ARMC10: variants seen among roughly 807,000 people sequenced by gnomAD.
ARMC10 encodes armadillo repeat containing 10.
Under a neutral mutation model 30.2 loss-of-function variants are expected in ARMC10, and 23 were observed. That is an observed-to-expected ratio of 0.76 (90% CI 0.55 to 1.08). The LOEUF (loss-of-function observed/expected upper bound fraction) is 1.08. Ranked by LOEUF, ARMC10 falls within the 50% of genes least tolerant of loss-of-function variation. The pLI is 0.00. For synonymous variants in ARMC10, 111 were observed against 164.4 expected (o/e 0.68, Z 2.48); for missense variants, 303 against 413.7 (o/e 0.73, Z 2.32).
At chr7:103,077,548 C>T (rs1334100524) in intron 2 of ARMC10, among the ~76,000 whole-genome samples, 1 of 152,088 alleles carries the variant, frequency 6.6e-6, no homozygotes, top group Non-Finnish European at 1.5e-5. Flanking sequence ...AGCCACCAGT[C>T]CTGCTCATTA....
At chr7:103,085,430 A>G (rs1286021311) in intron 3 of ARMC10, among the ~76,000 whole-genome samples, 4 of 152,172 alleles carry the variant, frequency 2.6e-5, no homozygotes, top group Non-Finnish European at 5.9e-5. Context: ...TTTTCCTGCT[A>G]GAATAGCATG....
chr7:103,080,762 A>C (rs1800311748), intron 2 of ARMC10, among the ~76,000 whole-genome samples: 1 of 149,858 alleles, frequency 6.7e-6, no homozygotes, highest in South Asian at 2.1e-4. Context: ...GGAGTAGCTG[A>C]GATTACAGGC....
intron 2 of ARMC10, among the ~76,000 whole-genome samples, chr7:103,080,005 C>G (rs577370860): frequency 6.6e-6 from 1 of 152,192 alleles, no homozygotes; most frequent in South Asian, 2.1e-4. Context: ...ACTTTTCATT[C>G]CCTTTGAGAA....
intron 3 of ARMC10, 30 bp downstream of exon 3, chr7:103,083,860 T>C: frequency 6.2e-7 from 1 of 1,608,440 alleles, no homozygotes. Context: ...AAGCAAGCTC[T>C]TTCCATTCTT....
At position 103,075,191 on chromosome 7, in the gene ARMC10, C is replaced by A. The variant is rs1037115269; in HGVS notation, c.-82C>A. On this transcript the variant is annotated 5_prime_UTR_variant, in exon 1 of 7. Coordinates refer to ENST00000323716, the MANE Select transcript of ARMC10 (RefSeq NM_031905.5). ...GTGGCGTTTGCTGTGGCGGCTAGGCCCGCGTGCGCTGGAGACCTCCGCGCT... is the reference window on the plus strand; with the variant it reads ...GTGGCGTTTGCTGTGGCGGCTAGGCACGCGTGCGCTGGAGACCTCCGCGCT... 19 of 1,024,616 alleles carry A rather than the reference C, an allele frequency of 1.9e-5. No homozygotes were observed. In the African/African-American group the frequency reaches 3.2e-4, roughly 17 times the overall value. 63.5% of individuals were successfully genotyped at this position (1,024,616 alleles called of 1,614,324 possible).
chr7:103,078,078 C>T (rs964574379), intron 2 of ARMC10, among the ~76,000 whole-genome samples: 53 of 151,958 alleles, frequency 3.5e-4, no homozygotes, highest in African/African-American at 1.3e-3. Context: ...TCACTGCAAC[C>T]GCCACCTCAT....
chr7:103,086,679 A>C lies in ARMC10; in HGVS notation c.443A>C (p.Asn148Thr), dbSNP rs1274709903. The change falls in exon 4 of 7, where the codon AAC becomes ACC. Residue 148 changes from asparagine (N) to threonine (T), a missense_variant. Asn to Thr is a moderately conservative substitution (Grantham distance 65). Around this residue, in one of 4 missense-constraint regions of ARMC10, gnomAD observed 170 missense variants for 207.2 expected, o/e 0.82. Transcript: ENST00000323716. ...ATTCCAATTGTTGCAAACAAAATCA[A>C]CCATTCCAACCAGAGTATTAAAGAG... ...GGIPIVANKI[N>T]HSNQSIKEKA... 6.9e-6 allele frequency: 11 copies of C among 1,594,264 alleles called. No individual in the cohort carries two copies. Among genetic ancestry groups the C allele is most frequent in the Non-Finnish European group, 9.4e-6 (11 of 1,175,544 alleles).
At position 103,083,879 on chromosome 7, in the gene ARMC10, G is replaced by C. The variant is rs10248567; in HGVS notation, c.393+49G>C. 3.4e-3 allele frequency: 5,411 copies of C among 1,593,046 alleles called. 169 individuals carry two copies. The African/African-American group carries it at 0.06, about 18-fold the overall frequency. On this transcript the variant is annotated intron_variant, in intron 3 of 6. Coordinates refer to ENST00000323716, the MANE Select transcript of ARMC10 (RefSeq NM_031905.5). ...AAGCTCTTTCCATTCTTACACACTA[G>C]CGGTAATTGTGACCCTGAATAAATT...
At chr7:103,096,314 AAT>A (rs1801755642) in intron 5 of ARMC10, 1 of 152,198 alleles carries the variant, frequency 6.6e-6, no homozygotes, top group Non-Finnish European at 1.5e-5. Context: ...CAGCTTCAGC[AAT>A]ATAGTGAGAC....
chr7:103,084,350 AAT>A (rs1377409280), intron 3 of ARMC10, among the ~76,000 whole-genome samples: 1 of 152,228 alleles, frequency 6.6e-6, no homozygotes, highest in Admixed American at 6.5e-5. Context: ...AGCATGAAAA[AAT>A]AGTTAAAACA....
chr7:103,094,946 A>C (rs536814680), intron 5 of ARMC10, among the ~76,000 whole-genome samples: 2 of 96,224 alleles, frequency 2.1e-5, no homozygotes, highest in East Asian at 7.3e-4. Flanking sequence ...ATGACCAAGT[A>C]GTAATTTTCT....
chr7:103,079,222 A>C (rs552657716), intron 2 of ARMC10, among the ~76,000 whole-genome samples: 1 of 152,310 alleles, frequency 6.6e-6, no homozygotes, highest in South Asian at 2.1e-4. Flanking sequence ...TAATATACCA[A>C]GGCCAAATGG....
chr7:103,087,651 T>C, intron 4 of ARMC10: 1 of 323,132 alleles, frequency 3.1e-6, no homozygotes, highest in Non-Finnish European at 4.4e-6. Flanking sequence ...GACAGGAGGA[T>C]GTGCTCCTAT....
At position 103,092,626 on chromosome 7, in the gene ARMC10, GTTAC is replaced by G. The variant is rs1403913116; in HGVS notation, c.684_687del (p.Thr229GlufsTer10). 2.5e-6 allele frequency: 4 copies of G among 1,578,118 alleles called. No individual in the cohort carries two copies. The highest frequency in any genetic ancestry group is 4.5e-5 in the East Asian group (2 of 44,118). On this transcript the variant is annotated frameshift_variant, in exon 5 of 7. Transcript: ENST00000323716. LOFTEE classifies it high-confidence loss of function. Reference sequence around the variant, plus strand: ...GTTACATTACAGACCTGTTCCAGGTGTTACTTACTGGAAATGGAAACACGAAGGT... The same window carrying G: ...GTTACATTACAGACCTGTTCCAGGTGTTACTGGAAATGGAAACACGAAGGT...
chr7:103,084,364 A>C (rs925397284), intron 3 of ARMC10, among the ~76,000 whole-genome samples: 1 of 152,200 alleles, frequency 6.6e-6, no homozygotes, highest in South Asian at 2.1e-4. Flanking sequence ...GTTAAAACAA[A>C]ATTTCGTAAT....
intron 5 of ARMC10, among the ~76,000 whole-genome samples, chr7:103,094,584 C>T (rs1472788993): frequency 1.3e-5 from 2 of 152,182 alleles, no homozygotes; most frequent in African/African-American, 2.4e-5. Context: ...TTCGTAAGTT[C>T]AGGACCATCC....
intron 6 of ARMC10, among the ~76,000 whole-genome samples, chr7:103,097,977 T>C (rs944684510): frequency 6.6e-6 from 1 of 152,180 alleles, no homozygotes. Flanking sequence ...GAAAACCGTA[T>C]GATGATCTTA....
intron 4 of ARMC10, among the ~76,000 whole-genome samples, chr7:103,091,201 G>T (rs562621788): frequency 2.0e-5 from 3 of 152,242 alleles, no homozygotes; most frequent in African/African-American, 7.2e-5. Flanking sequence ...GGCTGAGGCA[G>T]GCAGATCACT....
rs949483292 is a variant in ARMC10 at position 103,099,135 on chromosome 7, A to G, written c.*582A>G. ...ATATAAAATAGTGTGATCAATCACA[A>G]TGTCCATCTTTAGACAGTTGGTTAA... On this transcript the variant is annotated 3_prime_UTR_variant, in exon 7 of 7. Coordinates refer to ENST00000323716, the MANE Select transcript of ARMC10 (RefSeq NM_031905.5). 2 of 134,230 alleles carry G rather than the reference A, an allele frequency of 1.5e-5. No homozygotes were observed. Among genetic ancestry groups the G allele is most frequent in the Non-Finnish European group, 3.2e-5 (2 of 61,652 alleles). The allele number at this position is 134,230 out of a possible 1,614,324, so 8.3% of individuals were successfully genotyped here.
Sources: allele counts gnomAD v4.1 joint callset (sites outside exome capture counted in the v4.1 genomes callset), GRCh38; gene constraint gnomAD v4.1.1; regional missense constraint gnomAD v4.1.1; transcripts MANE v1.5; gene names NCBI Gene and HGNC (gene_info 2026-07-23, HGNC 2026-07-21).